Variants in TMEM207 observed in about 807,000 individuals in gnomAD.
TMEM207 encodes the protein transmembrane protein 207.
A neutral mutation model predicts 17.4 loss-of-function variants in TMEM207; 15 were observed. That is an observed-to-expected ratio of 0.86 (90% CI 0.58 to 1.33). TMEM207 has a LOEUF of 1.33. Ranked by LOEUF, TMEM207 falls within the 40% of genes most tolerant of loss-of-function variation. TMEM207 has a pLI of 0.00. For missense variants in TMEM207, 205 were observed against 173.8 expected (o/e 1.18, Z -1.01); for synonymous variants, 70 against 65.6 (o/e 1.07, Z -0.33).
chr3:190,439,748 A>T (rs1444070460), intron 4 of TMEM207, among the ~76,000 whole-genome samples: 1 of 152,178 alleles, frequency 6.6e-6, no homozygotes, highest in East Asian at 1.9e-4. Context: ...AGGGCATGAA[A>T]ATTGACATTC....
At chr3:190,430,299 T>G (rs1328063471) in intron 4 of TMEM207, among the ~76,000 whole-genome samples, 2 of 152,036 alleles carry the variant, frequency 1.3e-5, no homozygotes, top group Non-Finnish European at 2.9e-5. Flanking sequence ...AGTTCTTGAC[T>G]TCTAGATTAG....
Position 190,429,511 on chromosome 3 carries a change from A to G in TMEM207, c.*84T>C. On this transcript the variant is annotated 3_prime_UTR_variant, in exon 5 of 5. Coordinates refer to ENST00000354905, the MANE Select transcript of TMEM207 (RefSeq NM_207316.3). ...ATGAATAGATCTCTGGACATTTCCA[A>G]CAACTGAAATAACTATTCCTAAATT... 3.9e-6 allele frequency: 6 copies of G among 1,545,870 alleles called. No homozygotes were observed. Among genetic ancestry groups the G allele is most frequent in the East Asian group, 2.3e-5 (1 of 44,284 alleles).
At position 190,441,429 on chromosome 3, in the gene TMEM207, T is replaced by C. The variant is rs1237856206; in HGVS notation, c.158+9A>G. On this transcript the variant is annotated intron_variant, in intron 3 of 4. Coordinates refer to ENST00000354905, the MANE Select transcript of TMEM207 (RefSeq NM_207316.3). Reference sequence around the variant, plus strand: ...ACTGTCATATAAAACAAATGGAAGATATCCTTACCAGATATACCAGCCATT... The same window carrying C: ...ACTGTCATATAAAACAAATGGAAGACATCCTTACCAGATATACCAGCCATT... 6.2e-6 allele frequency: 10 copies of C among 1,603,686 alleles called. No homozygotes were observed. The highest frequency in any genetic ancestry group is 1.3e-5 in the African/African-American group (1 of 74,652).
Position 190,429,658 on chromosome 3 carries a change from A to C in TMEM207, c.378T>G (p.Pro126=). 6.2e-7 allele frequency: 1 copy of C among 1,613,696 alleles called. No homozygotes were observed. The highest frequency in any genetic ancestry group is 8.5e-7 in the Non-Finnish European group (1 of 1,179,712). Residue 126 remains proline (P), a synonymous_variant, in exon 5 of 5, where the codon CCT becomes CCG. Coordinates refer to ENST00000354905, the MANE Select transcript of TMEM207 (RefSeq NM_207316.3). ...QTQTPDLYPV[P]APCFGPLGSP... ...AGCCTAAAGGGCCAAAACATGGAGCAGGAACAGGATATAGGTCAGGGGTTT... is the reference window on the plus strand; with the variant it reads ...AGCCTAAAGGGCCAAAACATGGAGCCGGAACAGGATATAGGTCAGGGGTTT...
At chr3:190,435,680 G>T (rs907494854) in intron 4 of TMEM207, among the ~76,000 whole-genome samples, 2 of 152,188 alleles carry the variant, frequency 1.3e-5, no homozygotes, top group Admixed American at 1.3e-4. Context: ...CACTTCAGGG[G>T]TATAGATCCT....
At chr3:190,443,144 GC>G (rs1719969237) in intron 2 of TMEM207, among the ~76,000 whole-genome samples, 1 of 128,898 alleles carries the variant, frequency 7.8e-6, no homozygotes. Context: ...AATTAAAAAA[GC>G]TTTTTTTTTT....
chr3:190,433,501 T>C (rs909554150), intron 4 of TMEM207, among the ~76,000 whole-genome samples: 2 of 152,320 alleles, frequency 1.3e-5, no homozygotes, highest in South Asian at 4.1e-4. Context: ...ATCATAATTA[T>C]AGTCCTTGGA....
intron 3 of TMEM207, 104 bp from the exon 4 acceptor site, chr3:190,440,493 CGCAA>C (rs1481664627): frequency 6.8e-6 from 7 of 1,024,850 alleles, no homozygotes; most frequent in Admixed American, 3.0e-5. Context: ...CTAGACTGGC[CGCAA>C]GCAATGTGGG....
intron 4 of TMEM207, among the ~76,000 whole-genome samples, chr3:190,430,562 G>A (rs1029026536): frequency 6.6e-6 from 1 of 151,490 alleles, no homozygotes; most frequent in Non-Finnish European, 1.5e-5. Flanking sequence ...TAAAGAATAT[G>A]TATTCACCTG....
chr3:190,441,603 A>G (rs917226418), intron 2 of TMEM207, 121 bp from the exon 3 acceptor site: 1 of 721,124 alleles, frequency 1.4e-6, no homozygotes, highest in East Asian at 2.5e-5. Context: ...ACATATTCCC[A>G]TACCAGCCCA....
chr3:190,448,902 C>A (rs2108540580), intron 1 of TMEM207, among the ~76,000 whole-genome samples: 1 of 152,234 alleles, frequency 6.6e-6, no homozygotes, highest in East Asian at 1.9e-4. Context: ...TTTATAAGCA[C>A]AGAAAATGAG....
chr3:190,430,141 T>C (rs1214581238), intron 4 of TMEM207, among the ~76,000 whole-genome samples: 1 of 152,228 alleles, frequency 6.6e-6, no homozygotes, highest in African/African-American at 2.4e-5. Context: ...TTTACATGTA[T>C]GGTTGCAAAC....
chr3:190,432,253 T>C (rs1333160562), intron 4 of TMEM207, among the ~76,000 whole-genome samples: 1 of 152,230 alleles, frequency 6.6e-6, no homozygotes, highest in Non-Finnish European at 1.5e-5. Context: ...ATGTTCTTTC[T>C]ACCTGTTTCT....
chr3:190,443,830 G>A (rs914319467), intron 2 of TMEM207, among the ~76,000 whole-genome samples: 17 of 152,268 alleles, frequency 1.1e-4, no homozygotes, highest in Middle Eastern at 3.4e-3. Flanking sequence ...GGTCAAATTG[G>A]TATGATTATG....
intron 2 of TMEM207, among the ~76,000 whole-genome samples, chr3:190,443,388 A>G (rs1719977591): frequency 6.6e-6 from 1 of 151,970 alleles, no homozygotes; most frequent in South Asian, 2.1e-4. Context: ...AATTTTCCAA[A>G]CCAACTTTAT....
At chr3:190,443,708 CTT>C (rs1719985311) in intron 2 of TMEM207, among the ~76,000 whole-genome samples, 1 of 152,124 alleles carries the variant, frequency 6.6e-6, no homozygotes, top group African/African-American at 2.4e-5. Flanking sequence ...TAAACAGAAA[CTT>C]TTTGAGTTCC....
rs1200348396 is a variant in TMEM207, at chr3:190,449,739, A to G, written c.71T>C (p.Phe24Ser). The change falls in exon 1 of 5, where the codon TTC becomes TCC. Residue 24 changes from phenylalanine to serine, a missense_variant. Coordinates refer to ENST00000354905, the MANE Select transcript of TMEM207 (RefSeq NM_207316.3). Reference sequence around the variant, plus strand: ...CCCAGAAAGAGAGATAGTTACCTGGAATAGCGGCAAACACAAGATCCCTAT... The same window carrying G: ...CCCAGAAAGAGAGATAGTTACCTGGGATAGCGGCAAACACAAGATCCCTAT... Reference protein sequence around the residue: ...STIGILCLPLFQLVLSDLPCE... With the variant: ...STIGILCLPLSQLVLSDLPCE... 6.2e-7 allele frequency: 1 copy of G among 1,613,794 alleles called. No individual in the cohort carries two copies. The highest frequency in any genetic ancestry group is 1.7e-5 in the Admixed American group (1 of 60,004).
chr3:190,445,094 G>A (rs1258697662), intron 2 of TMEM207, among the ~76,000 whole-genome samples: 3 of 152,178 alleles, frequency 2.0e-5, no homozygotes, highest in African/African-American at 7.2e-5. Flanking sequence ...TCAGGAGTCT[G>A]TCCCAGGTCC....
At chr3:190,443,158 T>C (rs1719970995) in intron 2 of TMEM207, among the ~76,000 whole-genome samples, 1 of 149,584 alleles carries the variant, frequency 6.7e-6, no homozygotes, top group Admixed American at 6.6e-5. Flanking sequence ...TTTTTTTTTT[T>C]TGTTTTGTTT....
Sources: allele counts gnomAD v4.1 joint callset (sites outside exome capture counted in the v4.1 genomes callset), GRCh38; gene constraint gnomAD v4.1.1; transcripts MANE v1.5; gene names NCBI Gene and HGNC (gene_info 2026-07-23, HGNC 2026-07-21).